PNPLA1: variants seen among roughly 807,000 people sequenced by gnomAD.
PNPLA1 encodes the protein patatin like domain 1, omega-hydroxyceramide transacylase.
A neutral mutation model predicts 51.7 loss-of-function variants in PNPLA1; 36 were observed. The ratio of observed to expected loss-of-function variants is 0.70; its 90% CI spans 0.53 to 0.92. PNPLA1 has a LOEUF of 0.92. Ranked by LOEUF, PNPLA1 falls within the 40% of genes least tolerant of loss-of-function variation. The pLI is 0.00. For synonymous variants in PNPLA1, 293 were observed against 280.1 expected (o/e 1.05, Z -0.46); for missense variants, 658 against 682.5 (o/e 0.96, Z 0.40).
chr6:36,305,775 T>C (rs1459627586), intron 6 of PNPLA1, among the ~76,000 whole-genome samples: 2 of 145,972 alleles, frequency 1.4e-5, no homozygotes, highest in African/African-American at 5.0e-5. Flanking sequence ...TCTCTTTTTT[T>C]TTTTTTTTTT....
chr6:36,283,921 A>G (rs1356107652), intron 1 of PNPLA1, among the ~76,000 whole-genome samples: 1 of 152,258 alleles, frequency 6.6e-6, no homozygotes, highest in Non-Finnish European at 1.5e-5. Flanking sequence ...ACCTTGGAGC[A>G]GGGCCCCAAA....
chr6:36,300,811 G>A (rs1057213926), intron 5 of PNPLA1, among the ~76,000 whole-genome samples: 2 of 152,204 alleles, frequency 1.3e-5, no homozygotes, highest in Non-Finnish European at 2.9e-5. Flanking sequence ...GGAGTGAGAA[G>A]TTATGCTCCA....
intron 6 of PNPLA1, among the ~76,000 whole-genome samples, chr6:36,303,170 C>G (rs758677847): frequency 3.3e-5 from 5 of 152,184 alleles, no homozygotes; most frequent in Non-Finnish European, 7.3e-5. Context: ...TCTTGGCTCA[C>G]TGCCAGTTCT....
intron 1 of PNPLA1, among the ~76,000 whole-genome samples, chr6:36,250,523 G>A (rs892113234): frequency 2.0e-5 from 3 of 152,168 alleles, no homozygotes; most frequent in Admixed American, 6.5e-5. Flanking sequence ...TGATAGTTGG[G>A]CATCTTATTC....
intron 1 of PNPLA1, among the ~76,000 whole-genome samples, chr6:36,276,002 A>C (rs571752649): frequency 7.2e-6 from 1 of 138,030 alleles, no homozygotes; most frequent in South Asian, 2.2e-4. Context: ...TCTGTTGCCC[A>C]GGCTGACATG....
At chr6:36,281,904 C>G (rs1387648515) in intron 1 of PNPLA1, among the ~76,000 whole-genome samples, 1 of 151,552 alleles carries the variant, frequency 6.6e-6, no homozygotes, top group African/African-American at 2.4e-5. Context: ...ATCTGTAATC[C>G]CAGCTACTCG....
intron 1 of PNPLA1, among the ~76,000 whole-genome samples, chr6:36,263,340 C>G (rs996322625): frequency 1.3e-5 from 2 of 152,136 alleles, no homozygotes; most frequent in African/African-American, 4.8e-5. Context: ...CAACACTCCC[C>G]CTGCCCTGCA....
In PNPLA1 at chr6:36,302,438, T is replaced by A. The variant is rs1771092416; in HGVS notation, c.1353T>A (p.Pro451=). 6.4e-7 allele frequency: 1 copy of A among 1,557,274 alleles called. No individual in the cohort carries two copies. The highest frequency in any genetic ancestry group is 1.4e-5 in the African/African-American group (1 of 73,564). ...SSLSAFPAQP[P]VEELGQEQPQ... is the part of the protein sequence containing the mutation. Reference sequence around the variant, plus strand: ...TTTCAGCCTTCCCTGCTCAGCCACCTGTGGAGGAACTAGGCCAAGAACAGC... The same window carrying A: ...TTTCAGCCTTCCCTGCTCAGCCACCAGTGGAGGAACTAGGCCAAGAACAGC... The change falls in exon 6 of 9, where the codon CCT becomes CCA. Residue 451 remains proline (P), a synonymous_variant. Coordinates refer to ENST00000636260, the MANE Select transcript of PNPLA1 (RefSeq NM_001374623.1).
At chr6:36,260,731 A>G (rs970068365) in intron 1 of PNPLA1, among the ~76,000 whole-genome samples, 3 of 152,220 alleles carry the variant, frequency 2.0e-5, no homozygotes, top group African/African-American at 7.2e-5. Context: ...TATCATACAG[A>G]TGAATCCACA....
At chr6:36,261,952 G>T (rs1769658760) in intron 1 of PNPLA1, among the ~76,000 whole-genome samples, 1 of 152,202 alleles carries the variant, frequency 6.6e-6, no homozygotes, top group South Asian at 2.1e-4. Context: ...TAAACTCAGG[G>T]TGCCTTTATT....
intron 6 of PNPLA1, among the ~76,000 whole-genome samples, chr6:36,305,814 C>G (rs139682207): frequency 8.2e-6 from 1 of 121,990 alleles, no homozygotes; most frequent in African/African-American, 3.1e-5. Context: ...GAGACAGTAT[C>G]TCACTCCCGG....
intron 1 of PNPLA1, among the ~76,000 whole-genome samples, chr6:36,251,966 C>A (rs957977181): frequency 6.6e-6 from 1 of 151,972 alleles, no homozygotes; most frequent in Non-Finnish European, 1.5e-5. Context: ...AAAGACCTAG[C>A]CAAAACTGAC....
intron 1 of PNPLA1, among the ~76,000 whole-genome samples, chr6:36,252,408 GC>G (rs1489374331): frequency 6.6e-6 from 1 of 152,156 alleles, no homozygotes; most frequent in African/African-American, 2.4e-5. Context: ...AGATGAGGCA[GC>G]CCTGAGCGCA....
At chr6:36,309,388 G>A (rs1396070257) in intron 8 of PNPLA1, among the ~76,000 whole-genome samples, 1 of 152,058 alleles carries the variant, frequency 6.6e-6, no homozygotes, top group Non-Finnish European at 1.5e-5. Context: ...CCTTATCTCT[G>A]TCTCTAGGAG....
chr6:36,254,560 G>A (rs530558938), intron 1 of PNPLA1, among the ~76,000 whole-genome samples: 2 of 151,348 alleles, frequency 1.3e-5, no homozygotes, highest in African/African-American at 4.8e-5. Flanking sequence ...AGGCGACGGA[G>A]GAAAACCCTG....
intron 1 of PNPLA1, among the ~76,000 whole-genome samples, chr6:36,246,234 T>G: frequency 6.6e-6 from 1 of 151,904 alleles, no homozygotes; most frequent in African/African-American, 2.4e-5. Context: ...TGACGAGGTC[T>G]TACTCTGTCA....
intron 1 of PNPLA1, among the ~76,000 whole-genome samples, chr6:36,278,875 T>C (rs933945881): frequency 6.6e-6 from 1 of 152,184 alleles, no homozygotes; most frequent in Non-Finnish European, 1.5e-5. Context: ...GAAGCTGATA[T>C]TCTCTTGGTG....
intron 1 of PNPLA1, among the ~76,000 whole-genome samples, chr6:36,290,025 C>A (rs922608724): frequency 6.6e-6 from 1 of 152,162 alleles, no homozygotes; most frequent in South Asian, 2.1e-4. Context: ...ATCCCAGAAT[C>A]TCAAAGTTGG....
At chr6:36,279,569 T>C (rs1283777741) in intron 1 of PNPLA1, among the ~76,000 whole-genome samples, 5 of 152,206 alleles carry the variant, frequency 3.3e-5, no homozygotes, top group African/African-American at 7.2e-5. Flanking sequence ...TAGTGGAGAA[T>C]AGAGTTCCCA....
Sources: allele counts gnomAD v4.1 joint callset (sites outside exome capture counted in the v4.1 genomes callset), GRCh38; gene constraint gnomAD v4.1.1; transcripts MANE v1.5; gene names NCBI Gene and HGNC (gene_info 2026-07-23, HGNC 2026-07-21).